The following ZNF578 variants were observed in gnomAD, a reference collection of about 807,000 sequenced individuals.
The protein encoded by ZNF578 is Putative chemokine-related protein B42.
ZNF578 carries 8 observed loss-of-function variants against 8.3 expected under a neutral mutation model. The observed-to-expected ratio is 0.96, with a 90% CI of 0.56 to 1.74. ZNF578 has a LOEUF of 1.74. Among genes scored for constraint, ZNF578 ranks in the 40% most tolerant of loss-of-function variants. The pLI, the probability that ZNF578 is intolerant of heterozygous loss-of-function variation, is 0.00. For missense variants in ZNF578, 726 were observed against 707.5 expected (o/e 1.03, Z -0.30); for synonymous variants, 206 against 232.2 (o/e 0.89, Z 1.03).
Position 52,511,482 on chromosome 19 carries a change from A to G in ZNF578, c.1101A>G (p.Gly367=). 6.2e-7 allele frequency: 1 copy of G among 1,613,974 alleles called. No individual in the cohort carries two copies. The highest frequency in any genetic ancestry group is 8.5e-7 in the Non-Finnish European group (1 of 1,179,936). ...GATGCCATCGTAGACTTCATACTGG[A>G]ATAAAACCTTACAAGTGTAATGAGT... ...SLRCHRRLHT[G]IKPYKCNECG... is the part of the protein sequence containing the mutation. The change falls in exon 6 of 6, where the codon GGA becomes GGG. Residue 367 remains glycine, a synonymous_variant. Transcript: ENST00000421239.
At chr19:52,466,985 G>A (rs1191168278) in intron 2 of ZNF578, among the ~76,000 whole-genome samples, 1 of 150,800 alleles carries the variant, frequency 6.6e-6, no homozygotes, top group Non-Finnish European at 1.5e-5. Flanking sequence ...CTCATTTCAC[G>A]TTTTCCCAGG....
chr19:52,497,141 C>G (rs1309736054), intron 3 of ZNF578, among the ~76,000 whole-genome samples: 1 of 152,094 alleles, frequency 6.6e-6, no homozygotes. Flanking sequence ...TCTCTGTCAC[C>G]CAGGCTGGAG....
intron 2 of ZNF578, among the ~76,000 whole-genome samples, chr19:52,472,058 G>A (rs1159449441): frequency 1.3e-5 from 2 of 152,038 alleles, no homozygotes; most frequent in Non-Finnish European, 2.9e-5. Flanking sequence ...CATGCCATGG[G>A]TCTTATTTGG....
intron 4 of ZNF578, among the ~76,000 whole-genome samples, chr19:52,503,077 G>A (rs10418321): frequency 0.19 from 28,990 of 151,964 alleles, 2,982 homozygotes; most frequent in Non-Finnish European, 0.23. Context: ...CTTTTAGTTG[G>A]GACAGGGTTT....
At chr19:52,496,525 G>A (rs8102745) in intron 3 of ZNF578, among the ~76,000 whole-genome samples, 2 of 114,296 alleles carry the variant, frequency 1.7e-5, no homozygotes, top group East Asian at 2.1e-4. Flanking sequence ...GAGACGGGGT[G>A]TCACCATGTT....
At chr19:52,456,604 A>C (rs1208726396) in intron 1 of ZNF578, 1 of 152,322 alleles carries the variant, frequency 6.6e-6, no homozygotes, top group Non-Finnish European at 1.5e-5. Flanking sequence ...CCACAGCTGC[A>C]GCATGTATGT....
intron 3 of ZNF578, among the ~76,000 whole-genome samples, chr19:52,494,974 G>A (rs1426728656): frequency 1.3e-5 from 2 of 151,916 alleles, no homozygotes; most frequent in African/African-American, 4.8e-5. Flanking sequence ...TGAGACCACT[G>A]GTGTGAGACA....
chr19:52,490,422 T>C (rs1319903804), intron 2 of ZNF578, among the ~76,000 whole-genome samples: 3 of 152,186 alleles, frequency 2.0e-5, no homozygotes, highest in African/African-American at 7.2e-5. Context: ...AGAGAATTGT[T>C]TAGAATTCTG....
Position 52,515,413 on chromosome 19 carries a change from C to T in ZNF578, c.*3259C>T, listed in dbSNP as rs1464875080. On this transcript the variant is annotated 3_prime_UTR_variant, in exon 6 of 6. Coordinates refer to ENST00000421239, the MANE Select transcript of ZNF578 (RefSeq NM_001099694.2). Reference sequence around the variant, plus strand: ...TTTTTTGTAAGGAAGAATTAACTGTCAGGAATCAATGTCATCAGAACCTTG... The same window carrying T: ...TTTTTTGTAAGGAAGAATTAACTGTTAGGAATCAATGTCATCAGAACCTTG... 6.6e-6 allele frequency among the ~76,000 whole-genome samples: 1 copy of T among 152,150 alleles called. No individual in the cohort carries two copies.
Position 52,512,209 on chromosome 19 carries a change from T to C in ZNF578, c.*55T>C. 2 of 1,609,018 alleles carry C rather than the reference T, an allele frequency of 1.2e-6. No individual in the cohort carries two copies. Among genetic ancestry groups the C allele is most frequent in the African/African-American group, 1.3e-5 (1 of 74,678 alleles). On this transcript the variant is annotated 3_prime_UTR_variant, in exon 6 of 6. Coordinates refer to ENST00000421239, the MANE Select transcript of ZNF578 (RefSeq NM_001099694.2). Reference sequence around the variant, plus strand: ...GTGAAGCATGTGACAAAGTTTTCAGTCACAGATCACGCCTTAAAAGACATA... The same window carrying C: ...GTGAAGCATGTGACAAAGTTTTCAGCCACAGATCACGCCTTAAAAGACATA...
rs1273318214 is a variant in ZNF578, at chr19:52,512,784, A to C, written c.*630A>C. ...GTTCCCAATGCAGTGAGTATAGCAA[A>C]CCATCAAGCATTAATTGACATTGGA... is the stretch of plus-strand genomic sequence containing the variant. On this transcript the variant is annotated 3_prime_UTR_variant, in exon 6 of 6. Transcript: ENST00000421239. 6.6e-6 allele frequency among the ~76,000 whole-genome samples: 1 copy of C among 152,232 alleles called. No homozygotes were observed. The highest frequency in any genetic ancestry group is 1.5e-5 in the Non-Finnish European group (1 of 68,042).
chr19:52,505,454 G>C (rs191596949), intron 5 of ZNF578, among the ~76,000 whole-genome samples: 7 of 151,732 alleles, frequency 4.6e-5, no homozygotes, highest in Non-Finnish European at 1.0e-4. Context: ...AGACAGTCTC[G>C]CTCTTTCACC....
At chr19:52,486,424 CTT>C (rs1173099724) in intron 2 of ZNF578, among the ~76,000 whole-genome samples, 1 of 152,136 alleles carries the variant, frequency 6.6e-6, no homozygotes, top group Admixed American at 6.5e-5. Context: ...TACTTTGTCT[CTT>C]TCTTTTGTCA....
At chr19:52,461,917 A>G (rs2059259353) in intron 2 of ZNF578, among the ~76,000 whole-genome samples, 1 of 152,212 alleles carries the variant, frequency 6.6e-6, no homozygotes, top group African/African-American at 2.4e-5. Flanking sequence ...GGTCCAAATT[A>G]TGGGAAAATG....
chr19:52,513,765 T>C lies in ZNF578; in HGVS notation c.*1611T>C. On this transcript the variant is annotated 3_prime_UTR_variant, in exon 6 of 6. Coordinates refer to ENST00000421239, the MANE Select transcript of ZNF578 (RefSeq NM_001099694.2). The stretch of plus-strand genomic sequence containing the variant: ...AAAAAAAGATATCAAACCCGGGGTG[T>C]CTCATCCCACAGCACTTTGGAAGAC... Among the ~76,000 whole-genome samples the C allele has an allele frequency of 6.7e-6, 1 of 148,816 alleles. No homozygotes were observed. The highest frequency in any genetic ancestry group is 2.0e-4 in the East Asian group (1 of 5,102).
At chr19:52,480,195 C>T (rs113521341) in intron 2 of ZNF578, among the ~76,000 whole-genome samples, 2,099 of 152,218 alleles carry the variant, frequency 0.014, 45 homozygotes, top group African/African-American at 0.048. Context: ...CGTGAGCCAC[C>T]GTGCCCAGTC....
chr19:52,460,750 T>C (rs1443972952), intron 2 of ZNF578, among the ~76,000 whole-genome samples: 1 of 152,220 alleles, frequency 6.6e-6, no homozygotes, highest in Non-Finnish European at 1.5e-5. Context: ...TATCCTAGTT[T>C]GTTACGTGTA....
At chr19:52,489,629 T>A (rs1201070622) in intron 2 of ZNF578, among the ~76,000 whole-genome samples, 1 of 151,764 alleles carries the variant, frequency 6.6e-6, no homozygotes, top group South Asian at 2.1e-4. Context: ...ATAAAAGCAC[T>A]GCTCCTATTC....
chr19:52,511,796 GAC>G lies in ZNF578; in HGVS notation c.1419_1420del (p.His473GlnfsTer13), dbSNP rs1224002402. ...TTCAGTCAGAAATCAAACCTTGAGA[GAC>G]ACAAGATAATTCATACTGGAGAGAA... On this transcript the variant is annotated frameshift_variant, in exon 6 of 6. Transcript: ENST00000421239. LOFTEE classifies it low-confidence loss of function (END_TRUNC). The G allele has an allele frequency of 6.2e-7, 1 of 1,613,240 alleles. No homozygotes were observed. The highest frequency in any genetic ancestry group is 2.2e-5 in the East Asian group (1 of 44,800).
Sources: gnomAD v4.1 joint callset for allele counts (sites outside exome capture counted in the v4.1 genomes callset) on GRCh38, gnomAD v4.1.1 for gene constraint, MANE v1.5 for transcripts, NCBI Gene and HGNC (gene_info 2026-07-23, HGNC 2026-07-21) for gene names.